The following IFI44 variants were observed in gnomAD, a reference collection of about 807,000 sequenced individuals.
The protein encoded by IFI44 is interferon-induced protein 44.
In IFI44, 42 loss-of-function variants were observed where a neutral mutation model predicts 45.0. The observed-to-expected ratio is 0.93, with a 90% CI of 0.73 to 1.21. IFI44 has a LOEUF of 1.21. Among genes scored for constraint, IFI44 ranks in the 50% most tolerant of loss-of-function variants. The pLI, the probability that IFI44 is intolerant of heterozygous loss-of-function variation, is 0.00. For missense variants in IFI44, 623 were observed against 525.8 expected, an observed-to-expected ratio of 1.18 and a Z score of -1.81; for synonymous variants, 221 against 188.6, an observed-to-expected ratio of 1.17 and a Z score of -1.41.
Position 78,655,487 on chromosome 1 carries a change from C to T in IFI44, c.816C>T (p.Asn272=), listed in dbSNP as rs190003128. The T allele has an allele frequency of 1.9e-4, 304 of 1,610,758 alleles. 1 individual carries two copies. Among genetic ancestry groups the T allele is most frequent in the Admixed American group, 4.4e-4 (26 of 59,288 alleles). The change falls in exon 5 of 9, where the codon AAC becomes AAT. Residue 272 remains asparagine, a synonymous_variant. Coordinates refer to ENST00000370747, the MANE Select transcript of IFI44 (RefSeq NM_006417.5). ...LCRDDIFYIL[N]GNIRDRYQFN... ...GGGATGACATATTCTATATCTTGAA[C>T]GGTAACATTCGTGATAGATACCAGG...
chr1:78,661,667 C>A (rs561162972), intron 7 of IFI44, among the ~76,000 whole-genome samples: 60 of 151,744 alleles, frequency 4.0e-4, no homozygotes, highest in African/African-American at 1.4e-3. Flanking sequence ...AGATTATGTA[C>A]GATTGAGTGT....
chr1:78,661,734 G>A (rs1262026794), intron 7 of IFI44, among the ~76,000 whole-genome samples: 1 of 152,068 alleles, frequency 6.6e-6, no homozygotes, highest in Non-Finnish European at 1.5e-5. Context: ...GAGAAGGAAA[G>A]TATAGTGTTA....
At position 78,650,546 on chromosome 1, in the gene IFI44, T is replaced by C. The variant is rs760156206; in HGVS notation, c.351T>C (p.Asp117=). The change falls in exon 2 of 9, where the codon GAT becomes GAC. Residue 117 remains aspartate, a synonymous_variant. Coordinates refer to ENST00000370747, the MANE Select transcript of IFI44 (RefSeq NM_006417.5). ...KYNSPTNFQI[D]GRNRKVIMDL... is the part of the protein sequence containing the mutation. ...ACTCCCCAACTAATTTCCAGATAGATGGAAGAAATAGAAAAGTGATTATGG... is the reference window on the plus strand; with the variant it reads ...ACTCCCCAACTAATTTCCAGATAGACGGAAGAAATAGAAAAGTGATTATGG... 1.9e-6 allele frequency: 3 copies of C among 1,613,662 alleles called. No homozygotes were observed. The highest frequency in any genetic ancestry group is 1.7e-6 in the Non-Finnish European group (2 of 1,179,598).
At chr1:78,652,802 G>C (rs555032793) in intron 2 of IFI44, among the ~76,000 whole-genome samples, 2 of 152,124 alleles carry the variant, frequency 1.3e-5, no homozygotes, top group East Asian at 3.9e-4. Flanking sequence ...CTTTTGGTTG[G>C]TACATATAAT....
rs1271321333 is a variant in IFI44 at position 78,655,188 on chromosome 1, T to C, written c.669T>C (p.Asn223=). The C allele has an allele frequency of 1.9e-6, 3 of 1,613,792 alleles. No individual in the cohort carries two copies. The Admixed American group carries it at 5.0e-5, about 27-fold the overall frequency. The part of the protein sequence containing the change: ...HVTHQALVGT[N]TTGISEKYRT... ...CGCATCAGGCTTTGGTGGGCACTAA[T>C]ACAACTGGGATATCTGAGAAGGTAA... Residue 223 remains asparagine (N), a synonymous_variant, in exon 4 of 9, where the codon AAT becomes AAC. Coordinates refer to ENST00000370747, the MANE Select transcript of IFI44 (RefSeq NM_006417.5).
chr1:78,662,687 T>A lies in IFI44; in HGVS notation c.1114-17T>A, dbSNP rs764723607. 15 of 1,586,578 alleles carry A rather than the reference T, an allele frequency of 9.5e-6. No individual in the cohort carries two copies. Among genetic ancestry groups the A allele is most frequent in the South Asian group, 2.2e-5 (2 of 90,272 alleles). ...TTTTCACTGTTTTGCAATGTCTTTT[T>A]AATTTCTGTATTGCAGCTAGAGGAA... On this transcript the variant is annotated splice_polypyrimidine_tract_variant and intron_variant, in intron 7 of 8. Transcript: ENST00000370747.
chr1:78,660,551 T>C lies in IFI44; in HGVS notation c.1013-3T>C, dbSNP rs368944601. The C allele has an allele frequency of 5.6e-6, 9 of 1,606,224 alleles. No individual in the cohort carries two copies. Among genetic ancestry groups the C allele is most frequent in the Non-Finnish European group, 7.7e-6 (9 of 1,173,806 alleles). On this transcript the variant is annotated splice_region_variant and splice_polypyrimidine_tract_variant and intron_variant, in intron 6 of 8. Transcript: ENST00000370747. Reference sequence around the variant, plus strand: ...ATGATTTAAAAAATTCTGTTTGGCATAGGTGTGGTACATGTGGCTTTGCTC... The same window carrying C: ...ATGATTTAAAAAATTCTGTTTGGCACAGGTGTGGTACATGTGGCTTTGCTC...
At chr1:78,652,232 C>T (rs1325992289) in intron 2 of IFI44, among the ~76,000 whole-genome samples, 1 of 152,140 alleles carries the variant, frequency 6.6e-6, no homozygotes, top group African/African-American at 2.4e-5. Context: ...CAGGCGGACA[C>T]CACCATCCCC....
In IFI44 at chr1:78,663,620, G is replaced by C. The variant is rs919115714; in HGVS notation, c.1289-145G>C. On this transcript the variant is annotated intron_variant, in intron 8 of 8. Coordinates refer to ENST00000370747, the MANE Select transcript of IFI44 (RefSeq NM_006417.5). ...TTGTTGCTCTAACTCTGCCATCTTG[G>C]TTTCCCCATCCCTTCTCTTCCTCAT... The C allele has an allele frequency of 2.9e-6, 4 of 1,384,052 alleles. 1 individual carries two copies. In the African/African-American group the frequency reaches 5.9e-5, roughly 20 times the overall value. The allele number at this position is 1,384,052 out of a possible 1,614,324, so 85.7% of individuals were successfully genotyped here.
At chr1:78,653,660 A>G (rs1647158643) in intron 2 of IFI44, among the ~76,000 whole-genome samples, 1 of 152,160 alleles carries the variant, frequency 6.6e-6, no homozygotes, top group African/African-American at 2.4e-5. Flanking sequence ...TTACCCCTGA[A>G]CAATTTACTG....
chr1:78,651,278 G>T (rs538290834), intron 2 of IFI44, among the ~76,000 whole-genome samples: 11 of 152,286 alleles, frequency 7.2e-5, no homozygotes, highest in South Asian at 2.1e-4. Context: ...CCCGGAGCTT[G>T]TTTTCCTGCA....
In IFI44 at chr1:78,650,468, A is replaced by G. The variant is rs1266231757; in HGVS notation, c.273A>G (p.Lys91=). The change falls in exon 2 of 9, where the codon AAA becomes AAG. Residue 91 remains lysine (K), a synonymous_variant. Coordinates refer to ENST00000370747, the MANE Select transcript of IFI44 (RefSeq NM_006417.5). ...ALQDTKISEW[K]LGLCTPETLF... ...AAGATACTAAAATTTCAGAATGGAA[A>G]CTAGGACTATGTACACCAGAAACAC... 6.2e-7 allele frequency: 1 copy of G among 1,614,110 alleles called. No homozygotes were observed. Among genetic ancestry groups the G allele is most frequent in the African/African-American group, 1.3e-5 (1 of 75,068 alleles).
chr1:78,650,276 C>T lies in IFI44; in HGVS notation c.81C>T (p.Leu27=), dbSNP rs115638974. 4 of 1,613,876 alleles carry T rather than the reference C, an allele frequency of 2.5e-6. No homozygotes were observed. The highest frequency in any genetic ancestry group is 2.2e-5 in the East Asian group (1 of 44,856). The change falls in exon 2 of 9, where the codon CTC becomes CTT. Residue 27 remains leucine (L), a synonymous_variant. Coordinates refer to ENST00000370747, the MANE Select transcript of IFI44 (RefSeq NM_006417.5). ...TTGGAGGGAAGCGGCTTAGCCTTCT[C>T]TATAAGGGTAGTGTCCATGGATTCC... is the stretch of plus-strand genomic sequence containing the variant. ...NHFGGKRLSL[L]YKGSVHGFRN...
rs748043372 is a variant in IFI44 at position 78,650,611 on chromosome 1, G to A, written c.416G>A (p.Cys139Tyr). ...GAAAATCTTGGACTTGCTCAAAATT[G>A]TACTATCTCTATTCAGGATTATGAA... Reference protein sequence around the residue: ...TMENLGLAQNCTISIQDYEVF... With the variant: ...TMENLGLAQNYTISIQDYEVF... The change falls in exon 2 of 9, where the codon TGT becomes TAT. Residue 139 changes from cysteine to tyrosine, a missense_variant. Transcript: ENST00000370747. 1.2e-6 allele frequency: 2 copies of A among 1,608,268 alleles called. No individual in the cohort carries two copies. Among genetic ancestry groups the A allele is most frequent in the Non-Finnish European group, 1.7e-6 (2 of 1,177,786 alleles).
intron 5 of IFI44, among the ~76,000 whole-genome samples, chr1:78,658,980 T>G (rs926208678): frequency 6.6e-6 from 1 of 152,054 alleles, no homozygotes; most frequent in Non-Finnish European, 1.5e-5. Context: ...CAGCTTTTTT[T>G]TCTGAATGCT....
chr1:78,651,323 G>A (rs968658860), intron 2 of IFI44, among the ~76,000 whole-genome samples: 11 of 152,174 alleles, frequency 7.2e-5, no homozygotes, highest in African/African-American at 2.7e-4. Flanking sequence ...ATGGGAGACA[G>A]TGAATCATCA....
Position 78,655,109 on chromosome 1 carries a change from C to G in IFI44, c.590C>G (p.Ala197Gly). 6.2e-7 allele frequency: 1 copy of G among 1,613,914 alleles called. No homozygotes were observed. Among genetic ancestry groups the G allele is most frequent in the East Asian group, 2.2e-5 (1 of 44,860 alleles). ...ATTCTGCTGCTGGGTCCAATTGGAG[C>G]TGGGAAGTCCAGCTTTTTCAACTCA... ...IRILLLGPIG[A>G]GKSSFFNSVR... Residue 197 changes from alanine to glycine, a missense_variant, in exon 4 of 9, where the codon GCT becomes GGT. By Grantham distance (60) the Ala-to-Gly change is moderately conservative (BLOSUM62 0). Coordinates refer to ENST00000370747, the MANE Select transcript of IFI44 (RefSeq NM_006417.5).
At chr1:78,652,728 C>T (rs576240261) in intron 2 of IFI44, among the ~76,000 whole-genome samples, 3 of 152,318 alleles carry the variant, frequency 2.0e-5, no homozygotes, top group Admixed American at 2.0e-4. Context: ...CACTGGTGGA[C>T]ATTTGTTTTC....
chr1:78,654,222 ATTC>A lies in IFI44; in HGVS notation c.458-18_458-16del. Reference sequence around the variant, plus strand: ...TATTCGACAACTTCTAATCTACATTATTCTTTGATTATTTCCCCAGATTCACTG... The same window carrying A: ...TATTCGACAACTTCTAATCTACATTATTTGATTATTTCCCCAGATTCACTG... On this transcript the variant is annotated intron_variant, in intron 2 of 8. Transcript: ENST00000370747. 1 of 1,357,500 alleles carries A rather than the reference ATTC, an allele frequency of 7.4e-7. No individual in the cohort carries two copies. The highest frequency in any genetic ancestry group is 1.1e-6 in the Non-Finnish European group (1 of 949,112). 84.1% of individuals were successfully genotyped at this position (1,357,500 alleles called of 1,614,324 possible).
Sources: gnomAD v4.1 joint callset for allele counts (sites outside exome capture counted in the v4.1 genomes callset) on GRCh38, gnomAD v4.1.1 for gene constraint, MANE v1.5 for transcripts, NCBI Gene and HGNC (gene_info 2026-07-23, HGNC 2026-07-21) for gene names.